ETV1: variants seen among roughly 807,000 people sequenced by gnomAD.
ETV1 encodes ETS variant transcription factor 1.
Under a neutral mutation model 62.3 loss-of-function variants are expected in ETV1, and 27 were observed. The observed-to-expected ratio is 0.43, with a 90% CI of 0.32 to 0.60. ETV1 has a LOEUF of 0.60. Ranked by LOEUF, ETV1 falls within the 20% of genes least tolerant of loss-of-function variation. The pLI is 0.06. For synonymous variants in ETV1, 222 were observed against 199.6 expected (o/e 1.11, Z -0.94); for missense variants, 605 against 605.8 (o/e 1.00, Z 0.01).
rs199617264 is a variant in ETV1, at chr7:13,927,285, A to C, written c.802+4217T>G. ...CCAACATGATGAACCCCTGTCTCTAATTAAAAATATAGAAAAATCAGCTGG... is the reference window on the plus strand; with the variant it reads ...CCAACATGATGAACCCCTGTCTCTACTTAAAAATATAGAAAAATCAGCTGG... On this transcript the variant is annotated intron_variant, in intron 9 of 13. Coordinates refer to ENST00000430479, the MANE Select transcript of ETV1 (RefSeq NM_004956.5). Among the ~76,000 whole-genome samples the C allele has an allele frequency of 6.2e-4, 94 of 152,144 alleles. 1 individual carries two copies. In the East Asian group the frequency reaches 0.013, roughly 21 times the overall value.
chr7:13,911,455 G>A lies in ETV1; in HGVS notation c.803-148C>T. ...CAACATATAATCAACATTTCAGGCA[G>A]GGCCCACACATGAAATGAAAGAATG... On this transcript the variant is annotated intron_variant, in intron 9 of 13. Transcript: ENST00000430479. 3 of 595,082 alleles carry A rather than the reference G, an allele frequency of 5.0e-6. No individual in the cohort carries two copies. In the East Asian group the frequency reaches 8.5e-5, roughly 17 times the overall value. The allele number at this position is 595,082 out of a possible 1,614,324, so 36.9% of individuals were successfully genotyped here. A position where few individuals can be genotyped will look rare whatever the true frequency, so the allele number is the denominator to read the frequency against.
At chr7:13,944,432 T>C (rs1393535992) in intron 6 of ETV1, among the ~76,000 whole-genome samples, 2 of 152,116 alleles carry the variant, frequency 1.3e-5, no homozygotes, top group Non-Finnish European at 2.9e-5. Context: ...ATCTCTTTAG[T>C]AAGGGAATAG....
intron 9 of ETV1, among the ~76,000 whole-genome samples, chr7:13,918,722 G>T (rs1432159957): frequency 2.6e-4 from 40 of 151,370 alleles, no homozygotes; most frequent in African/African-American, 6.8e-4. Context: ...TGGGGACTGT[G>T]GTGGGGTGGG....
At chr7:13,971,686 C>T (rs1192244997) in intron 6 of ETV1, among the ~76,000 whole-genome samples, 1 of 152,132 alleles carries the variant, frequency 6.6e-6, no homozygotes, top group Non-Finnish European at 1.5e-5. Context: ...GTGAAAGTCA[C>T]TATCATGTGA....
intron 8 of ETV1, among the ~76,000 whole-genome samples, chr7:13,932,883 G>A (rs1373590269): frequency 6.6e-6 from 1 of 152,132 alleles, no homozygotes; most frequent in African/African-American, 2.4e-5. Flanking sequence ...GCTAAAGAAT[G>A]GCAAAGCGAT....
intron 5 of ETV1, among the ~76,000 whole-genome samples, chr7:13,980,907 T>G (rs907488671): frequency 1.1e-4 from 17 of 152,290 alleles, no homozygotes; most frequent in African/African-American, 3.8e-4. Flanking sequence ...AATACTTTTC[T>G]TAACTAATAT....
In ETV1 at chr7:13,988,489, G is replaced by A. The variant is rs1189897723; in HGVS notation, c.46-316C>T. Reference sequence around the variant, plus strand: ...GCATTTACACTTAAAGTTGTTTTTAGGCTGGTTCAATGCTAGATTAAAACA... The same window carrying A: ...GCATTTACACTTAAAGTTGTTTTTAAGCTGGTTCAATGCTAGATTAAAACA... On this transcript the variant is annotated intron_variant, in intron 3 of 13. Coordinates refer to ENST00000430479, the MANE Select transcript of ETV1 (RefSeq NM_004956.5). The A allele has an allele frequency of 4.6e-6, 3 of 650,562 alleles. No homozygotes were observed. In the Admixed American group the frequency reaches 1.0e-4, roughly 23 times the overall value. The allele number at this position is 650,562 out of a possible 1,614,324, so 40.3% of individuals were successfully genotyped here.
chr7:13,924,048 A>T (rs145968103), intron 9 of ETV1, among the ~76,000 whole-genome samples: 3,183 of 152,160 alleles, frequency 0.021, 38 homozygotes, highest in Middle Eastern at 0.041. Context: ...AAAAAAAATT[A>T]AAAAAATAAA....
At position 13,923,335 on chromosome 7, in the gene ETV1, C is replaced by T. The variant is rs569748282; in HGVS notation, c.802+8167G>A. Among the ~76,000 whole-genome samples the T allele has an allele frequency of 6.6e-5, 10 of 152,260 alleles. No individual in the cohort carries two copies. The South Asian group carries it at 1.2e-3, about 19-fold the overall frequency. On this transcript the variant is annotated intron_variant, in intron 9 of 13. Transcript: ENST00000430479. ...AGGAATTACTTCACTACTTTTCCTA[C>T]TATTTGATTAGGATGAGTATCCACC...
chr7:13,917,225 C>T (rs1215405931), intron 9 of ETV1, among the ~76,000 whole-genome samples: 1 of 151,990 alleles, frequency 6.6e-6, no homozygotes, highest in Non-Finnish European at 1.5e-5. Context: ...GATAGTCTTA[C>T]TAAGCTGAAA....
chr7:13,902,849 T>C (rs958340733), intron 12 of ETV1, among the ~76,000 whole-genome samples: 6 of 152,230 alleles, frequency 3.9e-5, no homozygotes, highest in Admixed American at 3.9e-4. Flanking sequence ...CAGAGTTTGA[T>C]ACTTATCATG....
chr7:13,965,293 T>C (rs900238331), intron 6 of ETV1, among the ~76,000 whole-genome samples: 1 of 152,238 alleles, frequency 6.6e-6, no homozygotes, highest in Non-Finnish European at 1.5e-5. Context: ...TCCTCCCATC[T>C]ATTTTTCTCA....
chr7:13,923,268 C>T (rs1453495408), intron 9 of ETV1, among the ~76,000 whole-genome samples: 2 of 152,164 alleles, frequency 1.3e-5, no homozygotes, highest in South Asian at 2.1e-4. Flanking sequence ...ATAAACTCTG[C>T]AAGGGGAAGC....
At chr7:13,918,846 C>A (rs2128431632) in intron 9 of ETV1, among the ~76,000 whole-genome samples, 1 of 141,178 alleles carries the variant, frequency 7.1e-6, no homozygotes, top group East Asian at 2.1e-4. Flanking sequence ...GCACAATGTG[C>A]ACATGTACCC....
chr7:13,917,386 C>T (rs371494312), intron 9 of ETV1, among the ~76,000 whole-genome samples: 23 of 151,788 alleles, frequency 1.5e-4, no homozygotes, highest in Admixed American at 7.9e-4. Flanking sequence ...GGTGCGATCT[C>T]AGCTCACTGC....
chr7:13,967,264 G>A (rs1037520721), intron 6 of ETV1, among the ~76,000 whole-genome samples: 3 of 151,952 alleles, frequency 2.0e-5, no homozygotes, highest in African/African-American at 7.2e-5. Flanking sequence ...AGTCAAAACA[G>A]GACTATATAG....
chr7:13,925,596 C>T (rs1474284785), intron 9 of ETV1, among the ~76,000 whole-genome samples: 2 of 150,126 alleles, frequency 1.3e-5, no homozygotes, highest in African/African-American at 2.5e-5. Context: ...GACAGAGTCT[C>T]GCTCTGCTGC....
At chr7:13,982,670 T>A (rs951859494) in intron 5 of ETV1, among the ~76,000 whole-genome samples, 1 of 152,038 alleles carries the variant, frequency 6.6e-6, no homozygotes, top group Non-Finnish European at 1.5e-5. Flanking sequence ...TATAAGAGAT[T>A]ATATGGAGTT....
In ETV1 at chr7:13,893,135, T is replaced by C. The variant is rs190757089; in HGVS notation, c.*2731A>G. ...TAAGTGTTTGTTGCAATTAATCTAT[T>C]GGGTATTAACATGTCATCATCAAGA... On this transcript the variant is annotated 3_prime_UTR_variant, in exon 14 of 14. Coordinates refer to ENST00000430479, the MANE Select transcript of ETV1 (RefSeq NM_004956.5). The C allele has an allele frequency of 1.6e-4, 37 of 232,666 alleles. No individual in the cohort carries two copies. The East Asian group carries it at 2.2e-3, about 14-fold the overall frequency. The allele number at this position is 232,666 out of a possible 1,614,324, so 14.4% of individuals were successfully genotyped here.
Sources: gnomAD v4.1 joint callset for allele counts (sites outside exome capture counted in the v4.1 genomes callset) on GRCh38, gnomAD v4.1.1 for gene constraint, MANE v1.5 for transcripts, NCBI Gene and HGNC (gene_info 2026-07-23, HGNC 2026-07-21) for gene names.